Variants in ZNF81 observed in about 807,000 individuals in gnomAD.
ZNF81 encodes the protein zinc finger protein 81 (HFZ20).
Under a neutral mutation model 32.3 loss-of-function variants are expected in ZNF81, and 5 were observed. The observed-to-expected ratio is 0.15, with a 90% CI of 0.08 to 0.33. The LOEUF (loss-of-function observed/expected upper bound fraction) is 0.33. Ranked by LOEUF, ZNF81 falls within the 10% of genes least tolerant of loss-of-function variation. ZNF81 has a pLI of 1.00. For synonymous variants in ZNF81, 163 were observed against 166.8 expected (o/e 0.98, Z 0.17); for missense variants, 379 against 479.8 (o/e 0.79, Z 1.96).
At chrX:47,858,362 C>T (rs894151969) in intron 2 of ZNF81, among the ~76,000 whole-genome samples, 13 of 112,051 alleles carry the variant, frequency 1.2e-4, no homozygotes, top group African/African-American at 3.6e-4. Context: ...CAGAACTCTT[C>T]ATTTGGGAAT....
At chrX:47,859,088 G>A (rs1441977276) in intron 2 of ZNF81, among the ~76,000 whole-genome samples, 10 of 103,539 alleles carry the variant, frequency 9.7e-5, no homozygotes, top group South Asian at 8.7e-4. Flanking sequence ...GCCAAACTCC[G>A]TCTCAAAAAA....
At chrX:47,883,477 C>G (rs150637184) in intron 2 of ZNF81, among the ~76,000 whole-genome samples, 144 of 112,246 alleles carry the variant, frequency 1.3e-3, no homozygotes, top group African/African-American at 4.5e-3. Context: ...ATGCTTACGT[C>G]AAGGTTGCAA....
At position 47,891,540 on chromosome X, in the gene ZNF81, G is replaced by A. The variant is rs1336870958; in HGVS notation, c.181+3415G>A. 3.6e-5 allele frequency among the ~76,000 whole-genome samples: 4 copies of A among 112,172 alleles called. No individual in the cohort carries two copies. The Admixed American group carries it at 3.8e-4, about 11-fold the overall frequency. The stretch of plus-strand genomic sequence containing the variant: ...TCACTTGGCCTTTCCCACCATAAGA[G>A]CCCTCATTCCACAGGTCAGGGAACT... On this transcript the variant is annotated intron_variant, in intron 3 of 4. Transcript: ENST00000338637.
intron 3 of ZNF81, among the ~76,000 whole-genome samples, chrX:47,891,783 G>C (rs2058663283): frequency 8.9e-6 from 1 of 112,287 alleles, no homozygotes; most frequent in South Asian, 3.7e-4. Context: ...TTCAGAGCCA[G>C]TGTCCAGTAA....
chrX:47,896,733 G>A (rs1263154817), intron 4 of ZNF81, among the ~76,000 whole-genome samples: 1 of 111,363 alleles, frequency 9.0e-6, no homozygotes, highest in African/African-American at 3.3e-5. Flanking sequence ...CATGCCCCTT[G>A]CAGTCAGTAC....
At chrX:47,888,869 T>A (rs1415598592) in intron 3 of ZNF81, among the ~76,000 whole-genome samples, 6 of 111,555 alleles carry the variant, frequency 5.4e-5, no homozygotes, top group Admixed American at 1.9e-4. Context: ...ATAAGGAACA[T>A]ATTATTGCAA....
chrX:47,843,796 A>C (rs1460718314), intron 1 of ZNF81, among the ~76,000 whole-genome samples: 3 of 112,305 alleles, frequency 2.7e-5, no homozygotes, highest in South Asian at 3.6e-4. Flanking sequence ...AAGTGCTGAG[A>C]TTATAGGCAT....
intron 1 of ZNF81, among the ~76,000 whole-genome samples, chrX:47,843,607 C>T (rs782521765): frequency 1.9e-4 from 21 of 111,777 alleles, no homozygotes; most frequent in Non-Finnish European, 3.4e-4. Context: ...ACTGCATCTT[C>T]GACTTCCCAG....
chrX:47,895,355 G>A (rs1569388212), intron 3 of ZNF81, among the ~76,000 whole-genome samples: 1 of 111,372 alleles, frequency 9.0e-6, no homozygotes, highest in East Asian at 2.8e-4. Flanking sequence ...GCTGCTACAA[G>A]CATGCGTAGA....
intron 1 of ZNF81, among the ~76,000 whole-genome samples, chrX:47,842,223 A>G (rs1164350311): frequency 5.4e-5 from 6 of 111,760 alleles, no homozygotes; most frequent in South Asian, 3.8e-4. Flanking sequence ...GGTGTGGTCT[A>G]TTTGGAGAAT....
At chrX:47,895,041 G>C (rs981053115) in intron 3 of ZNF81, among the ~76,000 whole-genome samples, 3 of 111,528 alleles carry the variant, frequency 2.7e-5, no homozygotes, top group Non-Finnish European at 3.8e-5. Context: ...AATGACTAAG[G>C]CTTTGGAGGA....
intron 3 of ZNF81, among the ~76,000 whole-genome samples, chrX:47,890,971 G>A (rs1245253284): frequency 9.0e-6 from 1 of 111,713 alleles, no homozygotes; most frequent in African/African-American, 3.3e-5. Context: ...TAAGTCTAGC[G>A]TAGTTGCTGC....
intron 2 of ZNF81, among the ~76,000 whole-genome samples, chrX:47,850,900 C>T (rs1406259980): frequency 2.1e-5 from 1 of 47,769 alleles, no homozygotes; most frequent in Non-Finnish European, 5.3e-5. Context: ...CGCACACACA[C>T]ACACACACAC....
At chrX:47,840,525 C>T (rs1241563503) in intron 1 of ZNF81, among the ~76,000 whole-genome samples, 68 of 98,536 alleles carry the variant, frequency 6.9e-4, no homozygotes, top group African/African-American at 2.2e-3. Flanking sequence ...TTTTTTGAGA[C>T]GGAGTTTTGC....
chrX:47,878,393 AC>A (rs1362086452), intron 2 of ZNF81, among the ~76,000 whole-genome samples: 4 of 112,031 alleles, frequency 3.6e-5, no homozygotes, highest in Non-Finnish European at 5.6e-5. Flanking sequence ...CTTCCCATTT[AC>A]TTTCAGTTTC....
chrX:47,869,422 CA>C (rs1242956205), intron 2 of ZNF81, among the ~76,000 whole-genome samples: 1 of 110,165 alleles, frequency 9.1e-6, no homozygotes, highest in South Asian at 3.8e-4. Flanking sequence ...ACTGGGAGTA[CA>C]AAAAAAAGCA....
chrX:47,869,186 T>G (rs2058571332), intron 2 of ZNF81, among the ~76,000 whole-genome samples: 1 of 112,270 alleles, frequency 8.9e-6, no homozygotes, highest in East Asian at 2.8e-4. Flanking sequence ...TAACAAAACA[T>G]TTTTGTATCA....
chrX:47,843,432 T>TACACACACACACACACACACACAC (rs782116296), intron 1 of ZNF81, among the ~76,000 whole-genome samples: 93 of 96,875 alleles, frequency 9.6e-4, no homozygotes, highest in Middle Eastern at 5.4e-3. Context: ...TTCCTATATC[T>TACACACACACACACACACACACAC]ACACACACAC....
intron 2 of ZNF81, among the ~76,000 whole-genome samples, chrX:47,856,920 T>C (rs1256518403): frequency 9.0e-6 from 1 of 111,278 alleles, no homozygotes; most frequent in East Asian, 2.8e-4. Context: ...CACTGCAGCC[T>C]GCGTGATACA....
Sources: gnomAD v4.1 joint callset for allele counts (sites outside exome capture counted in the v4.1 genomes callset) on GRCh38, gnomAD v4.1.1 for gene constraint, MANE v1.5 for transcripts, NCBI Gene and HGNC (gene_info 2026-07-23, HGNC 2026-07-21) for gene names.